The following MYO3A variants were observed in gnomAD, a reference collection of about 807,000 sequenced individuals.
MYO3A encodes myosin-IIIa.
In MYO3A, 180 loss-of-function variants were observed where a neutral mutation model predicts 192.7. That is an observed-to-expected ratio of 0.93 (90% CI 0.83 to 1.06). MYO3A has a LOEUF of 1.06. Ranked by LOEUF, MYO3A falls within the 50% of genes least tolerant of loss-of-function variation. The pLI, the probability that MYO3A is intolerant of heterozygous loss-of-function variation, is 0.00. For synonymous variants in MYO3A, 628 were observed against 645.3 expected, an observed-to-expected ratio of 0.97 and a Z score of 0.41; for missense variants, 1,896 against 1,905.0, an observed-to-expected ratio of 1.00 and a Z score of 0.09.
chr10:26,067,294 C>G (rs961591146), intron 11 of MYO3A, among the ~76,000 whole-genome samples: 1 of 152,176 alleles, frequency 6.6e-6, no homozygotes, highest in Non-Finnish European at 1.5e-5. Flanking sequence ...CTATATAACT[C>G]AAATTTCCAG....
At chr10:26,099,006 A>G (rs1360803754) in intron 17 of MYO3A, among the ~76,000 whole-genome samples, 1 of 152,192 alleles carries the variant, frequency 6.6e-6, no homozygotes, top group Non-Finnish European at 1.5e-5. Context: ...CTTGAGCAAT[A>G]TGGCCATTTT....
chr10:25,944,038 T>C (rs1836676311), intron 2 of MYO3A, among the ~76,000 whole-genome samples: 1 of 151,998 alleles, frequency 6.6e-6, no homozygotes, highest in African/African-American at 2.4e-5. Flanking sequence ...GCTACAGGCT[T>C]TTTATAAATG....
rs184037038 is a variant in MYO3A, at chr10:25,967,985, C to T, written c.303+12977C>T. ...TAGTCTCACCTATGTGTCATTGCAGCCTGAGAATGGCGGGTGTAGGGGGTG... is the reference window on the plus strand; with the variant it reads ...TAGTCTCACCTATGTGTCATTGCAGTCTGAGAATGGCGGGTGTAGGGGGTG... On this transcript the variant is annotated intron_variant, in intron 4 of 34. Transcript: ENST00000642920. 5.3e-3 allele frequency among the ~76,000 whole-genome samples: 805 copies of T among 152,170 alleles called. 3 individuals carry two copies. The highest frequency in any genetic ancestry group is 9.0e-3 in the Admixed American group (138 of 15,284).
intron 30 of MYO3A, 124 bp downstream of exon 30, chr10:26,174,681 T>G: frequency 1.2e-6 from 1 of 811,612 alleles, no homozygotes; most frequent in Non-Finnish European, 2.0e-6. Context: ...GCAAACATTT[T>G]TAATAAAATG....
intron 10 of MYO3A, among the ~76,000 whole-genome samples, chr10:26,036,562 C>A (rs1564481222): frequency 6.6e-6 from 1 of 152,170 alleles, no homozygotes; most frequent in Non-Finnish European, 1.5e-5. Context: ...AGTTGTACTG[C>A]ACTCTCAGAC....
intron 10 of MYO3A, among the ~76,000 whole-genome samples, chr10:26,041,530 G>C (rs1184548571): frequency 1.3e-5 from 2 of 149,422 alleles, no homozygotes; most frequent in African/African-American, 4.9e-5. Flanking sequence ...CTTCCTTTTA[G>C]TGAAGGTAAT....
chr10:26,135,316 T>G (rs919658729), intron 20 of MYO3A, among the ~76,000 whole-genome samples: 1 of 151,948 alleles, frequency 6.6e-6, no homozygotes, highest in African/African-American at 2.4e-5. Context: ...GGATATTACT[T>G]TATTAGAATA....
intron 18 of MYO3A, 118 bp from the exon 19 acceptor site, chr10:26,125,280 A>G (rs529973559): frequency 1.1e-6 from 1 of 911,040 alleles, no homozygotes; most frequent in South Asian, 1.4e-5. Context: ...TTTACATTAC[A>G]TAATCTCCAC....
At chr10:26,110,295 A>G (rs1325955264) in intron 17 of MYO3A, among the ~76,000 whole-genome samples, 1 of 152,176 alleles carries the variant, frequency 6.6e-6, no homozygotes, top group Non-Finnish European at 1.5e-5. Flanking sequence ...TCTAGGTCAG[A>G]AAGGAGATGA....
At chr10:26,102,644 A>G (rs1424199372) in intron 17 of MYO3A, among the ~76,000 whole-genome samples, 1 of 152,098 alleles carries the variant, frequency 6.6e-6, no homozygotes, top group Non-Finnish European at 1.5e-5. Flanking sequence ...GCTGCAGGTC[A>G]TTGGAATTTG....
chr10:25,977,743 C>A (rs931158998), intron 4 of MYO3A, among the ~76,000 whole-genome samples: 3 of 152,000 alleles, frequency 2.0e-5, no homozygotes, highest in Non-Finnish European at 4.4e-5. Context: ...TTACTAAGCC[C>A]TAAATACTAG....
intron 10 of MYO3A, among the ~76,000 whole-genome samples, chr10:26,051,949 T>C (rs1053957618): frequency 4.6e-5 from 7 of 152,186 alleles, no homozygotes; most frequent in Non-Finnish European, 8.8e-5. Flanking sequence ...GAAATCTTCA[T>C]TATGGTAATG....
intron 10 of MYO3A, among the ~76,000 whole-genome samples, chr10:26,032,660 G>A (rs1458472130): frequency 2.0e-5 from 3 of 151,578 alleles, no homozygotes; most frequent in African/African-American, 7.3e-5. Flanking sequence ...AAAACACACA[G>A]CCCAAGCTGT....
rs117307267 is a variant in MYO3A, at chr10:26,160,700, G to A, written c.2999+3185G>A. 3.6e-3 allele frequency among the ~76,000 whole-genome samples: 554 copies of A among 152,248 alleles called. 3 individuals carry two copies. Among genetic ancestry groups the A allele is most frequent in the Middle Eastern group, 6.8e-3 (2 of 294 alleles). On this transcript the variant is annotated intron_variant, in intron 26 of 34. Transcript: ENST00000642920. ...GAAGGACTCAAACTGGGACTTGAAG[G>A]AGGGTACGGCTTATGGAGAAAACAG...
intron 6 of MYO3A, among the ~76,000 whole-genome samples, chr10:26,010,356 C>T (rs1841548661): frequency 6.8e-6 from 1 of 146,712 alleles, no homozygotes; most frequent in South Asian, 2.2e-4. Context: ...ACAGGAACCT[C>T]AAAAGATTTT....
At chr10:26,175,458 A>C (rs1842278231) in intron 30 of MYO3A, among the ~76,000 whole-genome samples, 1 of 152,236 alleles carries the variant, frequency 6.6e-6, no homozygotes, top group Non-Finnish European at 1.5e-5. Flanking sequence ...ATGAAGTAAT[A>C]AAAGAAATAT....
intron 10 of MYO3A, among the ~76,000 whole-genome samples, chr10:26,030,933 G>A (rs1842775125): frequency 6.6e-6 from 1 of 152,064 alleles, no homozygotes; most frequent in Non-Finnish European, 1.5e-5. Flanking sequence ...CTATTCTGAA[G>A]AATTAAGACC....
chr10:26,144,785 T>A (rs1421114096), intron 21 of MYO3A, among the ~76,000 whole-genome samples: 3 of 152,120 alleles, frequency 2.0e-5, no homozygotes, highest in Non-Finnish European at 2.9e-5. Flanking sequence ...CCCAGGAACA[T>A]CAGCATCACC....
intron 14 of MYO3A, among the ~76,000 whole-genome samples, chr10:26,085,115 T>G (rs1022253526): frequency 6.6e-6 from 1 of 152,130 alleles, no homozygotes; most frequent in African/African-American, 2.4e-5. Context: ...TTTCTCTACT[T>G]TCATTTTTTA....
Sources: allele counts gnomAD v4.1 joint callset (sites outside exome capture counted in the v4.1 genomes callset), GRCh38; gene constraint gnomAD v4.1.1; transcripts MANE v1.5; gene names NCBI Gene and HGNC (gene_info 2026-07-23, HGNC 2026-07-21).